ETV3L: variants seen among roughly 807,000 people sequenced by gnomAD.
The protein encoded by ETV3L is ETS translocation variant 3-like protein.
In ETV3L, 30 loss-of-function variants were observed where a neutral mutation model predicts 27.6. The ratio of observed to expected loss-of-function variants is 1.09; its 90% confidence interval spans 0.81 to 1.48. The LOEUF is 1.48. Ranked by LOEUF, ETV3L falls within the 40% of genes most tolerant of loss-of-function variation. The pLI is 0.00. For synonymous variants in ETV3L, 186 were observed against 188.9 expected (o/e 0.98, Z 0.12); for missense variants, 443 against 455.6 (o/e 0.97, Z 0.25).
At position 157,099,341 on chromosome 1, in the gene ETV3L, C is replaced by T. The variant is rs776746126; in HGVS notation, c.96G>A (p.Ser32=). The change falls in exon 2 of 5, where the codon TCG becomes TCA. Residue 32 remains serine (S), a synonymous_variant. Transcript: ENST00000454449. ...GCTGGATCTGCCGGGAGCCTGGGGACGACTCGGCTTTGTAGGCCCAATCAG... is the reference window on the plus strand; with the variant it reads ...GCTGGATCTGCCGGGAGCCTGGGGATGACTCGGCTTTGTAGGCCCAATCAG... ...AFPDWAYKAE[S]SPGSRQIQLW... 6.1e-5 allele frequency: 99 copies of T among 1,614,046 alleles called. No homozygotes were observed. Among genetic ancestry groups the T allele is most frequent in the Middle Eastern group, 4.9e-4 (3 of 6,084 alleles).
At chr1:157,095,404 T>G (rs1210614459) in intron 4 of ETV3L, among the ~76,000 whole-genome samples, 4 of 152,108 alleles carry the variant, frequency 2.6e-5, no homozygotes, top group Non-Finnish European at 2.9e-5. Flanking sequence ...GCTTCCAATC[T>G]TCTGGTGACC....
intron 4 of ETV3L, among the ~76,000 whole-genome samples, chr1:157,097,029 G>A (rs1008108508): frequency 6.6e-6 from 1 of 152,110 alleles, no homozygotes; most frequent in African/African-American, 2.4e-5. Context: ...GGCTTGTGCG[G>A]CCTCTGTGGC....
At chr1:157,093,502 T>TC (rs2103181707) in intron 4 of ETV3L, among the ~76,000 whole-genome samples, 1 of 152,026 alleles carries the variant, frequency 6.6e-6, no homozygotes, top group East Asian at 1.9e-4. Flanking sequence ...TTCTTTTCTT[T>TC]TTTTTTTTAA....
intron 4 of ETV3L, among the ~76,000 whole-genome samples, chr1:157,093,664 G>C (rs1674166780): frequency 6.6e-6 from 1 of 151,946 alleles, no homozygotes; most frequent in African/African-American, 2.4e-5. Flanking sequence ...GCTAATTTTT[G>C]TATTTTTTTG....
At chr1:157,094,684 G>A (rs756029844) in intron 4 of ETV3L, among the ~76,000 whole-genome samples, 12 of 152,090 alleles carry the variant, frequency 7.9e-5, no homozygotes, top group African/African-American at 7.2e-5. Context: ...AGGCCGAGGC[G>A]AGCGGATCAC....
At position 157,093,004 on chromosome 1, in the gene ETV3L, C is replaced by G. The variant is rs1019075160; in HGVS notation, c.731G>C (p.Trp244Ser). 1.2e-6 allele frequency: 2 copies of G among 1,611,086 alleles called. No individual in the cohort carries two copies. Among genetic ancestry groups the G allele is most frequent in the African/African-American group, 2.7e-5 (2 of 74,828 alleles). The change falls in exon 5 of 5, where the codon TGG becomes TCG. Residue 244 changes from tryptophan to serine, a missense_variant. Coordinates refer to ENST00000454449, the MANE Select transcript of ETV3L (RefSeq NM_001004341.2). The stretch of plus-strand genomic sequence containing the variant: ...CAAGAAGGGCCCCGAGAGACAGGTC[C>G]AGTTGGAGGGCAGAGGGGGCGGGAG... ...PPLPPPLPSN[W>S]TCLSGPFLPP...
chr1:157,097,919 C>T lies in ETV3L; in HGVS notation c.556G>A (p.Gly186Arg). 1.9e-6 allele frequency: 3 copies of T among 1,613,748 alleles called. No homozygotes were observed. Among genetic ancestry groups the T allele is most frequent in the South Asian group, 2.2e-5 (2 of 91,054 alleles). The change falls in exon 4 of 5, where the codon GGG (glycine) becomes AGG (arginine). Residue 186 changes from glycine (G) to arginine (R), a missense_variant. Physicochemically the swap from Gly to Arg is moderately radical, Grantham distance 125. Transcript: ENST00000454449. Reference protein sequence around the residue: ...EQLTGQQTPRGPPETSGDKKG... With the variant: ...EQLTGQQTPRRPPETSGDKKG... ...TTATCCCCAGAGGTCTCTGGTGGCC[C>T]TCGGGGGGTCTGCTGTCCTGTCAGC...
rs1674141733 is a variant in ETV3L at position 157,092,829 on chromosome 1, GAGCCAA to G, written c.900_905del (p.Trp301_Leu302del). The G allele has an allele frequency of 6.2e-7, 1 of 1,614,032 alleles. No homozygotes were observed. Among genetic ancestry groups the G allele is most frequent in the African/African-American group, 1.3e-5 (1 of 74,926 alleles). ...CCAGCCCCTCGGGCCTGAGGGACAA[GAGCCAA>G]AGCCTCTCACCCGCACCCTGTCCCA... On this transcript the variant is annotated inframe_deletion, in exon 5 of 5. Transcript: ENST00000454449.
In ETV3L at chr1:157,099,239, C is replaced by T. The variant is rs1042114857; in HGVS notation, c.198G>A (p.Gly66=). ...CATCTGGATCCTTGATGACAAATTC[C>T]CCGTACTCTCCCTGCTGCCAGGCGA... ...HVIAWQQGEY[G]EFVIKDPDEV... Residue 66 remains glycine (G), a synonymous_variant, in exon 2 of 5, where the codon GGG becomes GGA. Coordinates refer to ENST00000454449, the MANE Select transcript of ETV3L (RefSeq NM_001004341.2). 1 of 1,613,882 alleles carries T rather than the reference C, an allele frequency of 6.2e-7. No homozygotes were observed. Among genetic ancestry groups the T allele is most frequent in the Non-Finnish European group, 8.5e-7 (1 of 1,179,994 alleles).
intron 4 of ETV3L, among the ~76,000 whole-genome samples, chr1:157,096,371 C>A (rs1674220605): frequency 6.6e-6 from 1 of 152,272 alleles, no homozygotes; most frequent in South Asian, 2.1e-4. Context: ...GGCTTCCTAG[C>A]CCCTAGGACA....
At position 157,096,983 on chromosome 1, in the gene ETV3L, T is replaced by G. The variant is rs1385867560; in HGVS notation, c.607+885A>C. 2.0e-5 allele frequency among the ~76,000 whole-genome samples: 3 copies of G among 152,040 alleles called. No individual in the cohort carries two copies. In the East Asian group the frequency reaches 5.8e-4, roughly 30 times the overall value. ...GACCATGGATCTCCCTCCCAGTCCC[T>G]CCTGCCCACAGGAGAAAGTCCTGCT... is the stretch of plus-strand genomic sequence containing the variant. On this transcript the variant is annotated intron_variant, in intron 4 of 4. Coordinates refer to ENST00000454449, the MANE Select transcript of ETV3L (RefSeq NM_001004341.2).
Position 157,092,548 on chromosome 1 carries a change from G to A in ETV3L, c.*101C>T, listed in dbSNP as rs1039479743. The stretch of plus-strand genomic sequence containing the variant: ...CACCCCTTCAAATCCTGCAATTTCA[G>A]CCCATGTCCAGCCAGGGGAAGGGGC... On this transcript the variant is annotated 3_prime_UTR_variant, in exon 5 of 5. Coordinates refer to ENST00000454449, the MANE Select transcript of ETV3L (RefSeq NM_001004341.2). 74 of 996,802 alleles carry A rather than the reference G, an allele frequency of 7.4e-5. No individual in the cohort carries two copies. Among genetic ancestry groups the A allele is most frequent in the Non-Finnish European group, 9.9e-5 (67 of 675,890 alleles). 61.7% of individuals were successfully genotyped at this position (996,802 alleles called of 1,614,324 possible). A position where few individuals can be genotyped will look rare whatever the true frequency, so the allele number is the denominator to read the frequency against.
chr1:157,098,185 C>G (rs1345826863), intron 3 of ETV3L, among the ~76,000 whole-genome samples, 197 bp from the exon 4 acceptor site: 1 of 152,050 alleles, frequency 6.6e-6, no homozygotes, highest in Non-Finnish European at 1.5e-5. Context: ...CAACCTCTGC[C>G]TCCTGGGTTC....
chr1:157,096,615 G>A (rs1186231388), intron 4 of ETV3L, among the ~76,000 whole-genome samples: 1 of 152,102 alleles, frequency 6.6e-6, no homozygotes, highest in Non-Finnish European at 1.5e-5. Flanking sequence ...CACACACACA[G>A]TCATCTTTAT....
chr1:157,093,514 C>CA (rs1674164553), intron 4 of ETV3L, among the ~76,000 whole-genome samples: 1 of 149,186 alleles, frequency 6.7e-6, no homozygotes, highest in Admixed American at 6.7e-5. Context: ...TTTTTTTAAA[C>CA]AGAGTCTTGC....
rs1674140290 is a variant in ETV3L, at chr1:157,092,782, A to G, written c.953T>C (p.Met318Thr). The stretch of plus-strand genomic sequence containing the variant: ...GGGATCCAGGCCTCCCTTTGCCTCC[A>G]TCATGGGAGCAGGCTTTACTTCCAG... Reference protein sequence around the residue: ...EGLEVKPAPMMEAKGGLDPRE... With the variant: ...EGLEVKPAPMTEAKGGLDPRE... Residue 318 changes from methionine to threonine, a missense_variant, in exon 5 of 5, where the codon ATG becomes ACG. By Grantham distance (81) the Met-to-Thr change is moderately conservative. Transcript: ENST00000454449. 6.2e-7 allele frequency: 1 copy of G among 1,614,170 alleles called. No homozygotes were observed. Among genetic ancestry groups the G allele is most frequent in the Non-Finnish European group, 8.5e-7 (1 of 1,180,018 alleles).
chr1:157,099,071 G>A, intron 2 of ETV3L, 70 bp downstream of exon 2: 1 of 1,584,194 alleles, frequency 6.3e-7, no homozygotes, highest in Non-Finnish European at 8.6e-7. Context: ...GAGTCAGCAG[G>A]GGTACCAGAA....
intron 4 of ETV3L, 85 bp downstream of exon 4, chr1:157,097,783 G>A: frequency 6.6e-7 from 1 of 1,518,394 alleles, no homozygotes; most frequent in Non-Finnish European, 9.0e-7. Flanking sequence ...CTTGTCTCAT[G>A]CCCCCTCAGC....
At chr1:157,097,027 C>A (rs6427349) in intron 4 of ETV3L, among the ~76,000 whole-genome samples, 90,303 of 151,888 alleles carry the variant, frequency 0.59, 26,835 homozygotes, top group East Asian at 0.71. Context: ...ATGGCTTGTG[C>A]GGCCTCTGTG....
Sources: allele counts gnomAD v4.1 joint callset (sites outside exome capture counted in the v4.1 genomes callset), GRCh38; gene constraint gnomAD v4.1.1; transcripts MANE v1.5; gene names NCBI Gene and HGNC (gene_info 2026-07-23, HGNC 2026-07-21).